GRIN2A: variants seen among roughly 807,000 people sequenced by gnomAD.
GRIN2A encodes the protein glutamate ionotropic receptor NMDA type subunit 2A, also known as glutamate receptor ionotropic, NMDA 2A.
Under a neutral mutation model 113.4 loss-of-function variants are expected in GRIN2A, and 22 were observed. The observed-to-expected ratio is 0.19, with a 90% confidence interval of 0.14 to 0.28. The LOEUF (loss-of-function observed/expected upper bound fraction) is 0.28, where lower values mean the gene tolerates loss of function less well. Ranked by LOEUF, GRIN2A falls within the 10% of genes least tolerant of loss-of-function variation. The pLI, the probability that GRIN2A is intolerant of heterozygous loss-of-function variation, is 1.00. For missense variants in GRIN2A, 1,502 were observed against 1,887.0 expected (o/e 0.80, Z 3.78); for synonymous variants, 827 against 738.4 (o/e 1.12, Z -1.94).
chr16:9,779,267 T>C (rs2141177966), intron 11 of GRIN2A, among the ~76,000 whole-genome samples: 1 of 152,358 alleles, frequency 6.6e-6, no homozygotes, highest in Non-Finnish European at 1.5e-5. Flanking sequence ...AACTCCAAGG[T>C]AACCTATGCT....
At chr16:10,108,496 C>G (rs559781926) in intron 2 of GRIN2A, among the ~76,000 whole-genome samples, 1 of 152,204 alleles carries the variant, frequency 6.6e-6, no homozygotes, top group South Asian at 2.1e-4. Context: ...AAGAATCACA[C>G]AGCTGACAGG....
At chr16:10,012,054 G>A (rs2046515632) in intron 2 of GRIN2A, among the ~76,000 whole-genome samples, 1 of 151,766 alleles carries the variant, frequency 6.6e-6, no homozygotes, top group Non-Finnish European at 1.5e-5. Flanking sequence ...AGTGATACTT[G>A]GAAATGATTT....
intron 2 of GRIN2A, among the ~76,000 whole-genome samples, chr16:10,111,034 A>C (rs1321376322): frequency 6.6e-6 from 1 of 152,234 alleles, no homozygotes; most frequent in Non-Finnish European, 1.5e-5. Flanking sequence ...CGACCAATTA[A>C]GTGGAGCTAA....
intron 2 of GRIN2A, among the ~76,000 whole-genome samples, chr16:10,090,186 C>T (rs1377733686): frequency 6.6e-6 from 1 of 151,918 alleles, no homozygotes; most frequent in Non-Finnish European, 1.5e-5. Context: ...CCCTGTCAGA[C>T]CCAAGAGGGA....
At chr16:10,097,518 C>T (rs1010212056) in intron 2 of GRIN2A, among the ~76,000 whole-genome samples, 1 of 152,106 alleles carries the variant, frequency 6.6e-6, no homozygotes, top group Non-Finnish European at 1.5e-5. Flanking sequence ...ATTAGAGGGG[C>T]TGGCAGAGAA....
chr16:10,179,896 TTCACA>T (rs751922857), intron 2 of GRIN2A, 97 bp downstream of exon 2: 79 of 363,324 alleles, frequency 2.2e-4, no homozygotes, highest in Non-Finnish European at 3.7e-4. Context: ...CCACCCCCAC[TTCACA>T]TCAAGACAGA....
At chr16:10,119,391 TTC>T (rs1567312419) in intron 2 of GRIN2A, among the ~76,000 whole-genome samples, 5 of 151,960 alleles carry the variant, frequency 3.3e-5, no homozygotes, top group Non-Finnish European at 4.4e-5. Context: ...ATGAGTTGTT[TTC>T]ATGCTTAATA....
At chr16:9,961,651 CTTAAAT>C (rs557211056) in intron 2 of GRIN2A, among the ~76,000 whole-genome samples, 243 of 152,318 alleles carry the variant, frequency 1.6e-3, no homozygotes, top group Middle Eastern at 3.4e-3. Context: ...ACTTGCACCT[CTTAAAT>C]TTAAACAAAA....
intron 2 of GRIN2A, among the ~76,000 whole-genome samples, chr16:10,169,278 T>G (rs138076621): frequency 1.3e-5 from 2 of 152,306 alleles, no homozygotes; most frequent in East Asian, 3.9e-4. Flanking sequence ...CGGAACTAAG[T>G]GCAATGCTAC....
chr16:10,140,557 ACT>A (rs1567327975), intron 2 of GRIN2A, among the ~76,000 whole-genome samples: 1 of 152,078 alleles, frequency 6.6e-6, no homozygotes, highest in Non-Finnish European at 1.5e-5. Context: ...TCCAGAAAAC[ACT>A]CTTTCTTCTG....
rs116378557 is a variant in GRIN2A at position 10,164,493 on chromosome 16, G to A, written c.414+15505C>T. Among the ~76,000 whole-genome samples, 292 of 152,316 alleles carry A rather than the reference G, an allele frequency of 1.9e-3. 2 individuals carry two copies. The highest frequency in any genetic ancestry group is 6.8e-3 in the African/African-American group (283 of 41,566). ...CACGAACATGACTCCAGCCCAATTG[G>A]ACGTGAGTCTCTACCTAGACTCCTG... is the stretch of plus-strand genomic sequence containing the variant. On this transcript the variant is annotated intron_variant, in intron 2 of 12. Coordinates refer to ENST00000330684, the MANE Select transcript of GRIN2A (RefSeq NM_001134407.3).
chr16:10,050,935 T>C (rs1487235221), intron 2 of GRIN2A, among the ~76,000 whole-genome samples: 1 of 152,208 alleles, frequency 6.6e-6, no homozygotes, highest in East Asian at 1.9e-4. Flanking sequence ...AATAAATATG[T>C]GCCACTTTAA....
chr16:10,053,156 T>C (rs1484976929), intron 2 of GRIN2A, among the ~76,000 whole-genome samples: 1 of 151,910 alleles, frequency 6.6e-6, no homozygotes, highest in African/African-American at 2.4e-5. Context: ...CAACAGTGAA[T>C]GGAGAAGAGT....
At chr16:10,141,318 G>C (rs181231615) in intron 2 of GRIN2A, among the ~76,000 whole-genome samples, 2 of 151,396 alleles carry the variant, frequency 1.3e-5, no homozygotes, top group East Asian at 3.9e-4. Flanking sequence ...GTGAAACCCT[G>C]TCTCTAATAA....
intron 2 of GRIN2A, among the ~76,000 whole-genome samples, chr16:9,998,936 G>A (rs771918661): frequency 4.6e-5 from 7 of 152,134 alleles, no homozygotes; most frequent in Non-Finnish European, 8.8e-5. Flanking sequence ...CATCCTAGGG[G>A]TGCGGGTAGG....
At chr16:9,863,775 A>C (rs2043113289) in intron 4 of GRIN2A, among the ~76,000 whole-genome samples, 1 of 152,162 alleles carries the variant, frequency 6.6e-6, no homozygotes, top group African/African-American at 2.4e-5. Context: ...ATCATGTTAT[A>C]TTTGAGATAT....
At chr16:10,063,795 G>C (rs1410165363) in intron 2 of GRIN2A, among the ~76,000 whole-genome samples, 3 of 152,118 alleles carry the variant, frequency 2.0e-5, no homozygotes, top group African/African-American at 7.2e-5. Flanking sequence ...AACACTAGGT[G>C]GTGAAAATAT....
Position 9,872,978 on chromosome 16 carries a change from G to C in GRIN2A, c.1122+18008C>G, listed in dbSNP as rs555521155. Among the ~76,000 whole-genome samples the C allele has an allele frequency of 3.4e-4, 52 of 152,280 alleles. 1 individual carries two copies. The South Asian group carries it at 1.0e-2, about 29-fold the overall frequency. On this transcript the variant is annotated intron_variant, in intron 4 of 12. Coordinates refer to ENST00000330684, the MANE Select transcript of GRIN2A (RefSeq NM_001134407.3). The stretch of plus-strand genomic sequence containing the variant: ...GAAGATCACTTGAGCCCAAGAGTTC[G>C]AGGCTGCAATGAGCCATGATTGCAC...
In GRIN2A at chr16:10,180,997, A is replaced by G. The variant is rs969852426; in HGVS notation, c.-18-568T>C. 1.3e-5 allele frequency among the ~76,000 whole-genome samples: 2 copies of G among 152,042 alleles called. No individual in the cohort carries two copies. The highest frequency in any genetic ancestry group is 4.8e-5 in the African/African-American group (2 of 41,398). On this transcript the variant is annotated intron_variant, in intron 1 of 12. Coordinates refer to ENST00000330684, the MANE Select transcript of GRIN2A (RefSeq NM_001134407.3). This position sits in a 1 kb window ranked among gnomAD's most constrained non-coding sequence, Gnocchi z 7.0. ...CGCCCCCTACGAGCCCGTCGTGTGC[A>G]CCACACACTTTGCTCTACGCCCAGC... is the stretch of plus-strand genomic sequence containing the variant.
Sources: allele counts gnomAD v4.1 joint callset (sites outside exome capture counted in the v4.1 genomes callset), GRCh38; gene constraint gnomAD v4.1.1; non-coding constraint Gnocchi (gnomAD v3.1); transcripts MANE v1.5; gene names NCBI Gene and HGNC (gene_info 2026-07-23, HGNC 2026-07-21).